PHF6: variants seen among roughly 807,000 people sequenced by gnomAD.
The protein encoded by PHF6 is PHD finger protein 6, also known as PHD-like zinc finger protein.
Under a neutral mutation model 34.0 loss-of-function variants are expected in PHF6, and 7 were observed. That is an observed-to-expected ratio of 0.21 (90% CI 0.12 to 0.39). The LOEUF (loss-of-function observed/expected upper bound fraction) is 0.39. Ranked by LOEUF, PHF6 falls within the 10% of genes least tolerant of loss-of-function variation. PHF6 has a pLI of 1.00. For missense variants in PHF6, 128 were observed against 262.8 expected (o/e 0.49, Z 3.55); for synonymous variants, 89 against 88.4 (o/e 1.01, Z -0.04).
At chrX:134,414,028 C>G in intron 7 of PHF6, 62 bp downstream of exon 7, 1 of 1,133,266 alleles carries the variant, frequency 8.8e-7, no homozygotes. Context: ...TTTGTTTCCC[C>G]TGTGATCTAA....
intron 5 of PHF6, among the ~76,000 whole-genome samples, chrX:134,407,695 A>G (rs935384501): frequency 6.2e-5 from 7 of 112,147 alleles, no homozygotes; most frequent in African/African-American, 2.3e-4. Context: ...GCACTAATTC[A>G]TGTAATTCAT....
chrX:134,388,193 A>G (rs887163348), intron 3 of PHF6, among the ~76,000 whole-genome samples: 4 of 112,011 alleles, frequency 3.6e-5, no homozygotes, highest in African/African-American at 9.7e-5. Context: ...AAATAAAGCA[A>G]TGAAGCTGGA....
intron 3 of PHF6, among the ~76,000 whole-genome samples, chrX:134,384,470 G>A (rs1478903556): frequency 9.0e-6 from 1 of 110,587 alleles, no homozygotes; most frequent in Non-Finnish European, 1.9e-5. Flanking sequence ...TAGATGTCCT[G>A]CAGGCATCTT....
intron 3 of PHF6, 55 bp downstream of exon 3, chrX:134,378,161 G>C: frequency 1.2e-6 from 1 of 803,565 alleles, no homozygotes; most frequent in Non-Finnish European, 1.9e-6. Flanking sequence ...TCATTAAAGA[G>C]GAAATTGCTT....
intron 9 of PHF6, among the ~76,000 whole-genome samples, chrX:134,421,919 TTTTG>T (rs200939197): frequency 0.077 from 8,408 of 109,853 alleles, 350 homozygotes; most frequent in East Asian, 0.2. Flanking sequence ...ACATCTTGTT[TTTTG>T]TTTGTTTGTT....
chrX:134,417,329 C>T (rs931085474), intron 9 of PHF6, 27 bp downstream of exon 9: 2 of 1,194,109 alleles, frequency 1.7e-6, no homozygotes, highest in African/African-American at 1.7e-5. Flanking sequence ...TGTCTATTTC[C>T]CTAAACATGT....
At chrX:134,417,337 T>C in intron 9 of PHF6, 35 bp downstream of exon 9, 1 of 1,185,834 alleles carries the variant, frequency 8.4e-7, no homozygotes, top group Non-Finnish European at 1.1e-6. Context: ...TCCCTAAACA[T>C]GTTAGTAACC....
At chrX:134,381,189 C>G (rs958520826) in intron 3 of PHF6, among the ~76,000 whole-genome samples, 2 of 110,879 alleles carry the variant, frequency 1.8e-5, no homozygotes, top group African/African-American at 6.6e-5. Flanking sequence ...CCGTTTCCTT[C>G]CCTTAGAATG....
chrX:134,397,751 A>G (rs979610202), intron 5 of PHF6, among the ~76,000 whole-genome samples: 2 of 112,332 alleles, frequency 1.8e-5, no homozygotes, highest in Non-Finnish European at 3.8e-5. Flanking sequence ...ACAAGCTAGT[A>G]AATATATTTC....
chrX:134,393,914 A>G lies in PHF6; in HGVS notation c.380A>G (p.Tyr127Cys), dbSNP rs911570058. Residue 127 changes from tyrosine (Y) to cysteine (C), a missense_variant, in exon 5 of 11, where the codon TAT (tyrosine) becomes TGT (cysteine). By Grantham distance (194) the Tyr-to-Cys change is radical (BLOSUM62 -2). This residue lies in a region of PHF6 where 97 missense variants were observed against 152.9 expected (regional missense o/e 0.63). Coordinates refer to ENST00000370803, the MANE Select transcript of PHF6 (RefSeq NM_001015877.2). ...GATTTCTTCATTTTTTATAGGGTCT[A>G]TTGCCGAAAACACAAGAAAACTGCA... is the stretch of plus-strand genomic sequence containing the variant. Reference protein sequence around the residue: ...EKPSQGIYMVYCRKHKKTAHN... With the variant: ...EKPSQGIYMVCCRKHKKTAHN... The G allele has an allele frequency of 2.5e-6, 3 of 1,207,195 alleles. No homozygotes were observed. The highest frequency in any genetic ancestry group is 2.2e-5 in the Admixed American group (1 of 45,592).
intron 7 of PHF6, among the ~76,000 whole-genome samples, chrX:134,414,788 A>T (rs894995042): frequency 8.9e-6 from 1 of 112,241 alleles, no homozygotes; most frequent in African/African-American, 3.2e-5. Flanking sequence ...AAAGCAGGCT[A>T]TTTAATCTTG....
intron 3 of PHF6, among the ~76,000 whole-genome samples, chrX:134,391,321 T>TG: frequency 8.9e-6 from 1 of 112,336 alleles, no homozygotes; most frequent in East Asian, 2.8e-4. Context: ...TTTAGACTGT[T>TG]CTAAATAATT....
intron 5 of PHF6, among the ~76,000 whole-genome samples, chrX:134,397,683 AT>A (rs1415617893): frequency 3.6e-5 from 4 of 111,741 alleles, no homozygotes; most frequent in Admixed American, 1.9e-4. Flanking sequence ...GATAAAAAAA[AT>A]ATCTCCCCTA....
Position 134,408,560 on chromosome X carries a change from C to A in PHF6, c.419-4931C>A, listed in dbSNP as rs12848761. ...TCCATTATCACTGGTGAGGTTGGGC[C>A]TCTGTTCATGTTTTTTTGTCATTTA... On this transcript the variant is annotated intron_variant, in intron 5 of 10. Transcript: ENST00000370803. Among the ~76,000 whole-genome samples, 788 of 105,940 alleles carry A rather than the reference C, an allele frequency of 7.4e-3. 3 individuals are homozygous for A. Among genetic ancestry groups the A allele is most frequent in the Admixed American group, 0.012 (123 of 10,031 alleles). 92.0% of individuals were successfully genotyped at this position (105,940 alleles called of 115,157 possible).
intron 9 of PHF6, among the ~76,000 whole-genome samples, chrX:134,422,089 C>T (rs1235416532): frequency 1.5e-4 from 16 of 110,178 alleles, no homozygotes; most frequent in Admixed American, 5.9e-4. Flanking sequence ...CCATTATACC[C>T]GGCTAATTTT....
chrX:134,421,158 T>C (rs1283907339), intron 9 of PHF6, among the ~76,000 whole-genome samples: 1 of 111,368 alleles, frequency 9.0e-6, no homozygotes, highest in African/African-American at 3.3e-5. Context: ...CTAAAAGACA[T>C]GCAGAGGAAA....
chrX:134,427,613 TTG>T lies in PHF6; in HGVS notation c.*1955_*1956del, dbSNP rs1322065981. The T allele has an allele frequency of 2.5e-5, 4 of 159,167 alleles. No homozygotes were observed. The highest frequency in any genetic ancestry group is 8.4e-5 in the Admixed American group (1 of 11,926). The allele number at this position is 159,167 out of a possible 1,213,427, so 13.1% of individuals were successfully genotyped here. Reference sequence around the variant, plus strand: ...TTGTTATGTAGTAAAATGTATGACTTTGTATGGGTTTCTTCAGCCCTTTTTCT... The same window carrying T: ...TTGTTATGTAGTAAAATGTATGACTTTATGGGTTTCTTCAGCCCTTTTTCT... On this transcript the variant is annotated 3_prime_UTR_variant, in exon 11 of 11. Transcript: ENST00000370803.
chrX:134,412,190 T>C (rs1401198222), intron 5 of PHF6, among the ~76,000 whole-genome samples: 1 of 112,613 alleles, frequency 8.9e-6, no homozygotes, highest in African/African-American at 3.2e-5. Context: ...CAGGAAGTTA[T>C]TCACGTGAAT....
Position 134,413,811 on chromosome X carries a change from T to C in PHF6, c.586-12T>C, listed in dbSNP as rs1569343265. On this transcript the variant is annotated splice_polypyrimidine_tract_variant and intron_variant, in intron 6 of 10. Transcript: ENST00000370803. The stretch of plus-strand genomic sequence containing the variant: ...ATTTTTTTTAAGTTCGTTTTTTCTT[T>C]TACATTTGCAGAGAGATAGGTCTCC... The C allele has an allele frequency of 8.3e-7, 1 of 1,211,087 alleles. No individual in the cohort carries two copies. The highest frequency in any genetic ancestry group is 1.1e-6 in the Non-Finnish European group (1 of 895,137).
Sources: gnomAD v4.1 joint callset for allele counts (sites outside exome capture counted in the v4.1 genomes callset) on GRCh38, gnomAD v4.1.1 for gene constraint, gnomAD v4.1.1 regional missense constraint, MANE v1.5 for transcripts, NCBI Gene and HGNC (gene_info 2026-07-23, HGNC 2026-07-21) for gene names.